AFAP1L2: variants seen among roughly 807,000 people sequenced by gnomAD.
AFAP1L2 encodes actin filament associated protein 1 like 2.
AFAP1L2 carries 46 observed loss-of-function variants against 99.3 expected under a neutral mutation model. The ratio of observed to expected loss-of-function variants is 0.46; its 90% confidence interval spans 0.37 to 0.59. AFAP1L2 has a LOEUF of 0.59. Ranked by LOEUF, AFAP1L2 falls within the 20% of genes least tolerant of loss-of-function variation. The probability of loss-of-function intolerance (pLI) is 0.00; values close to 1 mark genes in which losing one functional copy is unlikely to be tolerated. For synonymous variants in AFAP1L2, 397 were observed against 419.1 expected (o/e 0.95, Z 0.64); for missense variants, 959 against 1,034.9 (o/e 0.93, Z 1.01).
chr10:114,383,225 C>A (rs2137522115), intron 1 of AFAP1L2, among the ~76,000 whole-genome samples: 1 of 152,226 alleles, frequency 6.6e-6, no homozygotes, highest in East Asian at 1.9e-4. Flanking sequence ...GGTGAATGAA[C>A]CTGGCTCTGA....
intron 1 of AFAP1L2, among the ~76,000 whole-genome samples, chr10:114,352,793 G>C (rs1377860093): frequency 6.6e-6 from 1 of 152,232 alleles, no homozygotes; most frequent in Non-Finnish European, 1.5e-5. Flanking sequence ...CCATCCTTCT[G>C]CCTGTCTGCC....
At chr10:114,281,089 T>TC in the AFAP1L2 span, 25 of 152,322 alleles carry the variant, frequency 1.6e-4, no homozygotes, top group East Asian at 4.6e-3. Flanking sequence ...TGGCGTGTAC[T>TC]CCATTTTACC....
intron 4 of AFAP1L2, among the ~76,000 whole-genome samples, chr10:114,325,392 G>A (rs1042273916): frequency 3.3e-5 from 5 of 152,182 alleles, no homozygotes; most frequent in Non-Finnish European, 5.9e-5. Flanking sequence ...GAAGAGGATC[G>A]ACCCTGTCGG....
Position 114,313,917 on chromosome 10 carries a change from A to G in AFAP1L2, c.746T>C (p.Ile249Thr). Reference sequence around the variant, plus strand: ...GTCCTTGCTCTGCAGGCCCAGCACAATCACATCGGCATTCATCGGCGTGAT... The same window carrying G: ...GTCCTTGCTCTGCAGGCCCAGCACAGTCACATCGGCATTCATCGGCGTGAT... ...LKITPMNADV[I>T]VLGLQSKDQA... is the part of the protein sequence containing the mutation. Residue 249 changes from isoleucine (I) to threonine (T), a missense_variant, in exon 7 of 19, where the codon ATT (isoleucine) becomes ACT (threonine). Physicochemically the swap from Ile to Thr is moderately conservative, Grantham distance 89 (BLOSUM62 -1). This residue lies in a region of AFAP1L2 where 383 missense variants were observed against 472.8 expected (regional missense o/e 0.81). Coordinates refer to ENST00000304129, the MANE Select transcript of AFAP1L2 (RefSeq NM_001001936.3). The G allele has an allele frequency of 1.9e-6, 3 of 1,613,688 alleles. No homozygotes were observed. The highest frequency in any genetic ancestry group is 2.5e-6 in the Non-Finnish European group (3 of 1,179,902).
intron 5 of AFAP1L2, chr10:114,319,743 G>T: frequency 2.2e-6 from 2 of 909,242 alleles, no homozygotes; most frequent in Non-Finnish European, 3.0e-6. Flanking sequence ...GAGAGACCCA[G>T]ATGTGGCAAC....
At chr10:114,301,278 C>T (rs1465153820) in intron 13 of AFAP1L2, 76 bp downstream of exon 13, 1 of 1,242,418 alleles carries the variant, frequency 8.0e-7, no homozygotes, top group Non-Finnish European at 1.2e-6. Flanking sequence ...CTCTAATGAT[C>T]TCTGGCATCC....
At chr10:114,388,035 T>G (rs2483912) in intron 1 of AFAP1L2, among the ~76,000 whole-genome samples, 1 of 151,942 alleles carries the variant, frequency 6.6e-6, no homozygotes, top group Non-Finnish European at 1.5e-5. Flanking sequence ...TTGTGGCACC[T>G]TGACCTCTTG....
chr10:114,313,900 T>C lies in AFAP1L2; in HGVS notation c.763A>G (p.Ser255Gly), dbSNP rs2043673621. 16 of 1,613,258 alleles carry C rather than the reference T, an allele frequency of 9.9e-6. No individual in the cohort carries two copies. The highest frequency in any genetic ancestry group is 1.2e-5 in the Non-Finnish European group (14 of 1,179,580). ...AGCCACTGCTCAGCCTGGTCCTTGCTCTGCAGGCCCAGCACAATCACATCG... is the reference window on the plus strand; with the variant it reads ...AGCCACTGCTCAGCCTGGTCCTTGCCCTGCAGGCCCAGCACAATCACATCG... Reference protein sequence around the residue: ...NADVIVLGLQSKDQAEQWLRV... With the variant: ...NADVIVLGLQGKDQAEQWLRV... Residue 255 changes from serine (S) to glycine (G), a missense_variant, in exon 7 of 19, where the codon AGC becomes GGC. Coordinates refer to ENST00000304129, the MANE Select transcript of AFAP1L2 (RefSeq NM_001001936.3).
chr10:114,374,094 G>A (rs1484829878), intron 1 of AFAP1L2, among the ~76,000 whole-genome samples: 3 of 151,984 alleles, frequency 2.0e-5, no homozygotes, highest in African/African-American at 2.4e-5. Flanking sequence ...TAAACTCTGC[G>A]AGTCCAACCC....
intron 1 of AFAP1L2, chr10:114,362,859 G>T: frequency 2.5e-6 from 2 of 804,050 alleles, no homozygotes; most frequent in African/African-American, 1.9e-5. Flanking sequence ...TTTCAAATCA[G>T]TCAGACAAAA....
At chr10:114,319,635 G>A (rs779059350) in intron 5 of AFAP1L2, 78 of 1,289,502 alleles carry the variant, frequency 6.0e-5, no homozygotes, top group East Asian at 2.2e-4. Flanking sequence ...GGAGAAATCC[G>A]CCAGAGTGAC....
the AFAP1L2 span, among the ~76,000 whole-genome samples, chr10:114,285,512 G>A: frequency 6.6e-6 from 1 of 152,198 alleles, no homozygotes; most frequent in African/African-American, 2.4e-5. Flanking sequence ...AGATCTGTAT[G>A]AAAACAATCT....
chr10:114,378,392 A>G (rs2055093022), intron 1 of AFAP1L2, among the ~76,000 whole-genome samples: 1 of 152,210 alleles, frequency 6.6e-6, no homozygotes, highest in Non-Finnish European at 1.5e-5. Flanking sequence ...AAGGTGGAAG[A>G]CACACCAAAA....
chr10:114,292,208 C>T (rs148972092), downstream of AFAP1L2, among the ~76,000 whole-genome samples: 925 of 147,802 alleles, frequency 6.3e-3, 4 homozygotes, highest in Middle Eastern at 0.014. Flanking sequence ...ACCTGGGAGG[C>T]GGAAGTTACA....
chr10:114,347,989 A>T (rs1404334407), intron 1 of AFAP1L2, among the ~76,000 whole-genome samples: 1 of 152,184 alleles, frequency 6.6e-6, no homozygotes, highest in Non-Finnish European at 1.5e-5. Flanking sequence ...CCCTAGGCTC[A>T]GATGCTGGCA....
At chr10:114,317,368 C>A (rs901997994) in intron 5 of AFAP1L2, among the ~76,000 whole-genome samples, 8 of 152,096 alleles carry the variant, frequency 5.3e-5, no homozygotes, top group African/African-American at 1.4e-4. Context: ...ATAATTTATA[C>A]CTATTAAATA....
chr10:114,312,269 G>C (rs1176939547), intron 7 of AFAP1L2, among the ~76,000 whole-genome samples: 1 of 51,910 alleles, frequency 1.9e-5, no homozygotes, highest in African/African-American at 4.7e-5. Context: ...GTGTGTGTGT[G>C]TGTGTGTGTG....
At chr10:114,382,723 G>GTTAC (rs1343071190) in intron 1 of AFAP1L2, among the ~76,000 whole-genome samples, 1 of 150,614 alleles carries the variant, frequency 6.6e-6, no homozygotes, top group East Asian at 2.0e-4. Flanking sequence ...AGCCTCCCTA[G>GTTAC]TAGCTGGGAT....
the AFAP1L2 span, chr10:114,280,928 A>G: frequency 6.6e-6 from 1 of 151,836 alleles, no homozygotes; most frequent in Non-Finnish European, 1.5e-5. Context: ...TTTTTTATAG[A>G]TGGGGTCTCA....
Sources: allele counts gnomAD v4.1 joint callset (sites outside exome capture counted in the v4.1 genomes callset), GRCh38; gene constraint gnomAD v4.1.1; regional missense constraint gnomAD v4.1.1; transcripts MANE v1.5; gene names NCBI Gene and HGNC (gene_info 2026-07-23, HGNC 2026-07-21).